Variants in COG6 observed in about 807,000 individuals in gnomAD.
COG6 encodes conserved oligomeric Golgi complex subunit 6.
In COG6, 74 loss-of-function variants were observed where a neutral mutation model predicts 88.8. The observed-to-expected ratio is 0.83, with a 90% CI of 0.69 to 1.01. The LOEUF (loss-of-function observed/expected upper bound fraction) is 1.01. Ranked by LOEUF, COG6 falls within the 50% of genes least tolerant of loss-of-function variation. The pLI is 0.00. For missense variants in COG6, 800 were observed against 797.9 expected (o/e 1.00, Z -0.03); for synonymous variants, 286 against 278.7 (o/e 1.03, Z -0.26).
downstream of COG6, among the ~76,000 whole-genome samples, chr13:39,753,581 C>T (rs962171731): frequency 6.6e-6 from 1 of 152,044 alleles, no homozygotes; most frequent in African/African-American, 2.4e-5. Flanking sequence ...CCTCATTTTC[C>T]TATTCTCAAA....
Position 39,665,165 on chromosome 13 carries a change from C to T in COG6, c.428+11C>T. On this transcript the variant is annotated intron_variant, in intron 4 of 18. Transcript: ENST00000455146. ...GCTTCAATCTGAAAGGTAAGTTTTT[C>T]TTCATACAACCACCTTTTCAATAAT... 1.4e-6 allele frequency: 2 copies of T among 1,397,278 alleles called. No individual in the cohort carries two copies. The highest frequency in any genetic ancestry group is 1.2e-5 in the South Asian group (1 of 85,920). The allele number at this position is 1,397,278 out of a possible 1,614,324, so 86.6% of individuals were successfully genotyped here.
rs183156072 is a variant in COG6 at position 39,740,119 on chromosome 13, A to C, written c.1827-10827A>C. 1.6e-3 allele frequency among the ~76,000 whole-genome samples: 244 copies of C among 152,320 alleles called. 1 individual carries two copies. The East Asian group carries it at 0.032, about 20-fold the overall frequency. ...CTAAAAGATCTGACTAAATAGGCATACTCTGTTCATAGACTGAAAAATTCA... is the reference window on the plus strand; with the variant it reads ...CTAAAAGATCTGACTAAATAGGCATCCTCTGTTCATAGACTGAAAAATTCA... On this transcript the variant is annotated intron_variant, in intron 18 of 18. Transcript: ENST00000455146.
At chr13:39,708,249 T>A (rs900877105) in intron 13 of COG6, among the ~76,000 whole-genome samples, 1 of 152,234 alleles carries the variant, frequency 6.6e-6, no homozygotes, top group Non-Finnish European at 1.5e-5. Context: ...TATTGACTTA[T>A]AAGAGTTTTC....
At chr13:39,657,928 A>G (rs1232518253) in intron 1 of COG6, among the ~76,000 whole-genome samples, 1 of 152,134 alleles carries the variant, frequency 6.6e-6, no homozygotes, top group Non-Finnish European at 1.5e-5. Flanking sequence ...CTCCAATTGG[A>G]TACTGATTGA....
intron 2 of COG6, 141 bp downstream of exon 2, chr13:39,659,648 G>T: frequency 1.5e-6 from 1 of 658,926 alleles, no homozygotes; most frequent in East Asian, 2.8e-5. Flanking sequence ...AATTTCTCTT[G>T]CTGCATCTAG....
rs1462451478 is a variant in COG6, at chr13:39,719,356, G to C, written c.1405G>C (p.Asp469His). 2.5e-6 allele frequency: 4 copies of C among 1,612,122 alleles called. No homozygotes were observed. In the African/African-American group the frequency reaches 5.3e-5, roughly 22 times the overall value. The change falls in exon 14 of 19, where the codon GAT (aspartate) becomes CAT (histidine). Residue 469 changes from aspartate to histidine, a missense_variant. Asp to His is a moderately conservative substitution (Grantham distance 81). Transcript: ENST00000455146. The stretch of plus-strand genomic sequence containing the variant: ...TGTACCATTAGATGCTCGTCAAGCT[G>C]ATTTTGTGCAGGTATGTTATAAATT... ...SVVPLDARQADFVQVLSCVLD... is the reference protein window; with the variant it reads ...SVVPLDARQAHFVQVLSCVLD...
intron 18 of COG6, among the ~76,000 whole-genome samples, chr13:39,731,641 A>G (rs992526851): frequency 6.6e-6 from 1 of 152,198 alleles, no homozygotes; most frequent in African/African-American, 2.4e-5. Flanking sequence ...GTAAGTTTTG[A>G]TAACTCTTTT....
At chr13:39,714,115 A>G (rs1214451798) in intron 13 of COG6, among the ~76,000 whole-genome samples, 2 of 152,192 alleles carry the variant, frequency 1.3e-5, no homozygotes, top group Admixed American at 1.3e-4. Flanking sequence ...CCTTATTTCA[A>G]GGGGGAAAAA....
downstream of COG6, among the ~76,000 whole-genome samples, chr13:39,756,534 C>G (rs893817852): frequency 3.9e-5 from 6 of 152,068 alleles, no homozygotes; most frequent in African/African-American, 1.4e-4. Context: ...TCACTGAGCT[C>G]CAAGTCGGAT....
At chr13:39,719,920 C>A in intron 15 of COG6, 93 bp downstream of exon 15, 1 of 930,540 alleles carries the variant, frequency 1.1e-6, no homozygotes, top group East Asian at 2.7e-5. Context: ...TTTTAATGAC[C>A]TAATTCCTAT....
intron 18 of COG6, among the ~76,000 whole-genome samples, chr13:39,736,942 C>T (rs1879780175): frequency 6.6e-6 from 1 of 152,096 alleles, no homozygotes; most frequent in Non-Finnish European, 1.5e-5. Flanking sequence ...ATAGTCTGGG[C>T]CTTGTACCTG....
In COG6 at chr13:39,783,996, G is replaced by T. The variant is rs549469637; in HGVS notation, c.1827-4339G>T. Among the ~76,000 whole-genome samples, 68 of 152,264 alleles carry T rather than the reference G, an allele frequency of 4.5e-4. 1 individual carries two copies. The South Asian group carries it at 0.012, about 26-fold the overall frequency. The stretch of plus-strand genomic sequence containing the variant: ...GTGGCCCCAAACAGCATGGATTCTG[G>T]GGGGAGAAAGTGTGGTAAGAAGGGA... On this transcript the variant is annotated intron_variant, in intron 18 of 18. Transcript: ENST00000416691.
At chr13:39,660,913 T>A in intron 3 of COG6, 32 bp downstream of exon 3, 1 of 1,297,212 alleles carries the variant, frequency 7.7e-7, no homozygotes, top group Non-Finnish European at 1.1e-6. Context: ...TTGGCATAGT[T>A]CCTGATATAA....
At chr13:39,753,549 T>C (rs1293086152), downstream of COG6, among the ~76,000 whole-genome samples, 1 of 152,192 alleles carries the variant, frequency 6.6e-6, no homozygotes, top group African/African-American at 2.4e-5. Flanking sequence ...TCACCAAGAA[T>C]AGAAACTATT....
chr13:39,759,359 C>T (rs1880943704), intron 18 of COG6, among the ~76,000 whole-genome samples: 1 of 152,024 alleles, frequency 6.6e-6, no homozygotes, highest in Non-Finnish European at 1.5e-5. Context: ...TTTCCTTGAA[C>T]CTGGTGATAG....
At chr13:39,727,213 G>A (rs1450049456) in intron 17 of COG6, among the ~76,000 whole-genome samples, 1 of 151,982 alleles carries the variant, frequency 6.6e-6, no homozygotes, top group Non-Finnish European at 1.5e-5. Flanking sequence ...AGCTTTGTGA[G>A]GAAGACTAAA....
chr13:39,679,705 T>C lies in COG6; in HGVS notation c.623+85T>C. Reference sequence around the variant, plus strand: ...TATTCTAGATTGTTTGTGAACTATATAGCATTTTGTGAAATAGAAGTTTAA... The same window carrying C: ...TATTCTAGATTGTTTGTGAACTATACAGCATTTTGTGAAATAGAAGTTTAA... On this transcript the variant is annotated intron_variant, in intron 6 of 18. Transcript: ENST00000455146. The C allele has an allele frequency of 1.3e-5, 11 of 849,172 alleles. No homozygotes were observed. In the East Asian group the frequency reaches 2.7e-4, roughly 21 times the overall value. The allele number at this position is 849,172 out of a possible 1,614,324, so 52.6% of individuals were successfully genotyped here.
chr13:39,768,872 A>G (rs1477744567), intron 18 of COG6, among the ~76,000 whole-genome samples: 1 of 152,106 alleles, frequency 6.6e-6, no homozygotes, highest in East Asian at 1.9e-4. Flanking sequence ...ATCAGAGGGA[A>G]GCATTTGCTT....
chr13:39,666,601 T>A (rs1875287052), intron 4 of COG6, among the ~76,000 whole-genome samples: 1 of 152,076 alleles, frequency 6.6e-6, no homozygotes, highest in Non-Finnish European at 1.5e-5. Flanking sequence ...TTCTTTTATT[T>A]TGAGCCCTTA....
Sources: gnomAD v4.1 joint callset for allele counts (sites outside exome capture counted in the v4.1 genomes callset) on GRCh38, gnomAD v4.1.1 for gene constraint, MANE v1.5 for transcripts, NCBI Gene and HGNC (gene_info 2026-07-23, HGNC 2026-07-21) for gene names.